Variants in MCOLN3 observed in about 807,000 individuals in gnomAD.
The protein encoded by MCOLN3 is mucolipin-3.
A neutral mutation model predicts 69.4 loss-of-function variants in MCOLN3; 62 were observed. The ratio of observed to expected loss-of-function variants is 0.89; its 90% CI spans 0.73 to 1.10. The LOEUF is 1.10. Among genes scored for constraint, MCOLN3 ranks in the 50% least tolerant of loss-of-function variants. The probability of loss-of-function intolerance (pLI) is 0.00; values close to 1 mark genes in which losing one functional copy is unlikely to be tolerated. For synonymous variants in MCOLN3, 183 were observed against 217.0 expected (o/e 0.84, Z 1.38); for missense variants, 564 against 656.4 (o/e 0.86, Z 1.54).
chr1:85,042,099 A>T (rs1165880796), intron 2 of MCOLN3, among the ~76,000 whole-genome samples: 1 of 152,156 alleles, frequency 6.6e-6, no homozygotes, highest in Non-Finnish European at 1.5e-5. Flanking sequence ...GAAGGCGGGA[A>T]CAATGTTGAG....
At chr1:85,041,208 G>A (rs764854572) in intron 2 of MCOLN3, 31 bp from the exon 3 acceptor site, 1 of 1,581,788 alleles carries the variant, frequency 6.3e-7, no homozygotes, top group Non-Finnish European at 8.6e-7. Context: ...AGGTAAGAGG[G>A]TGGAAAATGT....
intron 4 of MCOLN3, among the ~76,000 whole-genome samples, chr1:85,033,792 C>G (rs1450839502): frequency 6.6e-6 from 1 of 152,148 alleles, no homozygotes; most frequent in Non-Finnish European, 1.5e-5. Context: ...ACACAAACAG[C>G]CTGAGCCCAA....
At chr1:85,021,968 G>A in intron 11 of MCOLN3, 102 bp downstream of exon 11, 6 of 1,417,040 alleles carry the variant, frequency 4.2e-6, no homozygotes, top group Non-Finnish European at 3.8e-6. Flanking sequence ...ACATTTTAAG[G>A]CTGAATCACA....
intron 3 of MCOLN3, among the ~76,000 whole-genome samples, chr1:85,039,782 TA>T (rs1175365075): frequency 2.6e-5 from 4 of 151,908 alleles, no homozygotes; most frequent in Non-Finnish European, 4.4e-5. Flanking sequence ...CCTGTCTCTA[TA>T]AAAAAAATTT....
Position 85,019,176 on chromosome 1 carries a change from A to G in MCOLN3, c.1609T>C (p.Tyr537His). 2 of 1,613,682 alleles carry G rather than the reference A, an allele frequency of 1.2e-6. No homozygotes were observed. The highest frequency in any genetic ancestry group is 1.7e-6 in the Non-Finnish European group (2 of 1,179,666). Residue 537 changes from tyrosine (Y) to histidine (H), a missense_variant, in exon 13 of 13, where the codon TAC becomes CAC. Coordinates refer to ENST00000370589, the MANE Select transcript of MCOLN3 (RefSeq NM_018298.11). ...ACTGGAGGGTCATCTTCTAATCTGT[A>G]TTTTCCAGAGTTGGGTAGATCTTTG... is the stretch of plus-strand genomic sequence containing the variant. ...ECKDLPNSGKYRLEDDPPVSL... is the reference protein window; with the variant it reads ...ECKDLPNSGKHRLEDDPPVSL...
intron 7 of MCOLN3, among the ~76,000 whole-genome samples, chr1:85,027,851 G>A (rs1294416779): frequency 6.6e-6 from 1 of 152,148 alleles, no homozygotes; most frequent in Non-Finnish European, 1.5e-5. Flanking sequence ...GGTGGGCAGA[G>A]GTGTCAGCCA....
chr1:85,021,966 A>G, intron 11 of MCOLN3, 104 bp downstream of exon 11: 1 of 1,409,240 alleles, frequency 7.1e-7, no homozygotes, highest in East Asian at 2.3e-5. Context: ...CAACATTTTA[A>G]GGCTGAATCA....
chr1:85,023,074 C>CTTTTTTTT (rs71582943), intron 9 of MCOLN3: 2 of 97,162 alleles, frequency 2.1e-5, no homozygotes, highest in Non-Finnish European at 4.1e-5. Context: ...GATTTTTATT[C>CTTTTTTTT]TTTTTTTTTT....
At chr1:85,044,049 T>A (rs1314682307) in intron 2 of MCOLN3, among the ~76,000 whole-genome samples, 1 of 152,176 alleles carries the variant, frequency 6.6e-6, no homozygotes, top group Non-Finnish European at 1.5e-5. Flanking sequence ...CCACCCTGCC[T>A]GGCCAAGCCA....
intron 7 of MCOLN3, among the ~76,000 whole-genome samples, chr1:85,026,626 G>A (rs113971815): frequency 0.022 from 3,380 of 151,954 alleles, 135 homozygotes; most frequent in African/African-American, 0.078. Flanking sequence ...GCATGGTGGT[G>A]AGCGCCTGTA....
In MCOLN3 at chr1:85,018,496, C is replaced by G. The variant is rs1248729483; in HGVS notation, c.*627G>C. The G allele has an allele frequency of 6.6e-6, 1 of 152,326 alleles. No homozygotes were observed. Among genetic ancestry groups the G allele is most frequent in the Non-Finnish European group, 1.5e-5 (1 of 68,208 alleles). 9.4% of individuals were successfully genotyped at this position (152,326 alleles called of 1,614,324 possible). A position where few individuals can be genotyped will look rare whatever the true frequency, so the allele number is the denominator to read the frequency against. On this transcript the variant is annotated 3_prime_UTR_variant, in exon 13 of 13. Transcript: ENST00000370589. Reference sequence around the variant, plus strand: ...CCATCTAGGTTTGTGGAAGTACATGCTATGATGTTTAATGACAAAATCGCC... The same window carrying G: ...CCATCTAGGTTTGTGGAAGTACATGGTATGATGTTTAATGACAAAATCGCC...
At chr1:85,044,530 CA>C (rs1410832268) in intron 2 of MCOLN3, among the ~76,000 whole-genome samples, 13 of 152,236 alleles carry the variant, frequency 8.5e-5, no homozygotes, top group African/African-American at 3.1e-4. Flanking sequence ...TTAAGAATCA[CA>C]AAATATGGTT....
chr1:85,045,153 T>G lies in MCOLN3; in HGVS notation c.208A>C (p.Ile70Leu). ...PWKLAIQILK[I>L]AMVTIQLVLF... ...CTTACCTGGATAGTCACCATTGCAA[T>G]TTTTAGAATTTGTATGGCAAGTTTC... The change falls in exon 2 of 13, where the codon ATT (isoleucine) becomes CTT (leucine). Residue 70 changes from isoleucine to leucine, a missense_variant. By Grantham distance (5) the Ile-to-Leu change is conservative. Transcript: ENST00000370589. 1 of 1,613,810 alleles carries G rather than the reference T, an allele frequency of 6.2e-7. No individual in the cohort carries two copies. Among genetic ancestry groups the G allele is most frequent in the Non-Finnish European group, 8.5e-7 (1 of 1,179,916 alleles).
intron 4 of MCOLN3, 23 bp downstream of exon 4, chr1:85,034,075 T>G: frequency 6.2e-7 from 1 of 1,613,296 alleles, no homozygotes; most frequent in Non-Finnish European, 8.5e-7. Context: ...AAATTGAGGT[T>G]CTAGGTTATA....
chr1:85,035,206 T>A (rs1652746336), intron 3 of MCOLN3, among the ~76,000 whole-genome samples: 2 of 152,224 alleles, frequency 1.3e-5, no homozygotes, highest in African/African-American at 2.4e-5. Context: ...GATTGTTTCT[T>A]CTTGGTCTCC....
At chr1:85,027,640 C>G (rs1652287757) in intron 7 of MCOLN3, among the ~76,000 whole-genome samples, 1 of 152,172 alleles carries the variant, frequency 6.6e-6, no homozygotes, top group Non-Finnish European at 1.5e-5. Flanking sequence ...TTGAGACCTA[C>G]TGCTCTATAT....
chr1:85,045,870 G>A (rs1468966393), intron 1 of MCOLN3, among the ~76,000 whole-genome samples: 1 of 152,160 alleles, frequency 6.6e-6, no homozygotes, highest in East Asian at 1.9e-4. Context: ...TAAAGAACAA[G>A]ATTCAGTTTG....
intron 9 of MCOLN3, 165 bp downstream of exon 9, chr1:85,025,773 AG>A: frequency 3.0e-6 from 2 of 658,660 alleles, no homozygotes; most frequent in Non-Finnish European, 2.6e-6. Context: ...TCTGCCTAAG[AG>A]ACCTCCTGAC....
At chr1:85,022,580 A>G (rs956876152) in intron 9 of MCOLN3, 180 bp from the exon 10 acceptor site, 4 of 499,860 alleles carry the variant, frequency 8.0e-6, no homozygotes, top group African/African-American at 2.0e-5. Context: ...GACAACAGAA[A>G]TAAGTTAATA....
Sources: gnomAD v4.1 joint callset for allele counts (sites outside exome capture counted in the v4.1 genomes callset) on GRCh38, gnomAD v4.1.1 for gene constraint, MANE v1.5 for transcripts, NCBI Gene and HGNC (gene_info 2026-07-23, HGNC 2026-07-21) for gene names.